COPS9: variants seen among roughly 807,000 people sequenced by gnomAD.
COPS9 encodes the protein COP9 signalosome complex subunit 9.
COPS9 carries 8 observed loss-of-function variants against 7.2 expected under a neutral mutation model. The ratio of observed to expected loss-of-function variants is 1.11; its 90% confidence interval spans 0.65 to 2.00. The LOEUF (loss-of-function observed/expected upper bound fraction) is 2.00, where lower values mean the gene tolerates loss of function less well. COPS9 is among the 30% of genes most tolerant of loss of function. The probability of loss-of-function intolerance (pLI) is 0.00; values close to 1 mark genes in which losing one functional copy is unlikely to be tolerated. For missense variants in COPS9, 74 were observed against 77.7 expected (o/e 0.95, Z 0.18); for synonymous variants, 39 against 28.7 (o/e 1.36, Z -1.14).
Position 240,132,118 on chromosome 2 carries a change from A to C in COPS9, c.137-1030T>G, listed in dbSNP as rs934582686. ...ACCTCTGCTCTGCTGCCCCCTCTGGAGAAACCTCCCTCTGCAGTGCTCCCA... is the reference window on the plus strand; with the variant it reads ...ACCTCTGCTCTGCTGCCCCCTCTGGCGAAACCTCCCTCTGCAGTGCTCCCA... On this transcript the variant is annotated intron_variant, in intron 2 of 2. Coordinates refer to ENST00000607357, the MANE Select transcript of COPS9 (RefSeq NM_001163424.2). The surrounding 1 kb of genome is among the most constrained non-coding windows in gnomAD (Gnocchi z 4.1). Among the ~76,000 whole-genome samples the C allele has an allele frequency of 6.6e-6, 1 of 152,152 alleles. No individual in the cohort carries two copies. The highest frequency in any genetic ancestry group is 2.4e-5 in the African/African-American group (1 of 41,436).
chr2:240,132,436 TAGTG>T lies in COPS9; in HGVS notation c.137-1352_137-1349del, dbSNP rs1247588648. Reference sequence around the variant, plus strand: ...TGGGACAGTGAGTGCTTTGTGAACTTAGTGGGTGGGCAGGCAGGGGACACAGAGC... The same window carrying T: ...TGGGACAGTGAGTGCTTTGTGAACTTGGTGGGCAGGCAGGGGACACAGAGC... On this transcript the variant is annotated intron_variant, in intron 2 of 2. Transcript: ENST00000607357. The surrounding 1 kb of genome is among the most constrained non-coding windows in gnomAD (Gnocchi z 4.1). Among the ~76,000 whole-genome samples the T allele has an allele frequency of 6.6e-6, 1 of 152,068 alleles. No homozygotes were observed. The highest frequency in any genetic ancestry group is 2.4e-5 in the African/African-American group (1 of 41,404).
chr2:240,135,529 G>C (rs1388206345), intron 1 of COPS9, among the ~76,000 whole-genome samples: 1 of 152,188 alleles, frequency 6.6e-6, no homozygotes, highest in Non-Finnish European at 1.5e-5. Flanking sequence ...CTCTGAGCTA[G>C]GCTGTGGTGC....
chr2:240,127,558 G>T (rs1198974817), downstream of COPS9, among the ~76,000 whole-genome samples: 1 of 152,144 alleles, frequency 6.6e-6, no homozygotes, highest in African/African-American at 2.4e-5. Context: ...CAACCCCCAG[G>T]TGATGGTGTT....
At chr2:240,134,105 G>T in intron 1 of COPS9, 100 bp from the exon 2 acceptor site, 1 of 1,101,134 alleles carries the variant, frequency 9.1e-7, no homozygotes, top group Non-Finnish European at 1.4e-6. Context: ...AAGAAGATGG[G>T]TGAGGGGAAA....
At position 240,131,086 on chromosome 2, in the gene COPS9, A is replaced by T; in HGVS notation, c.139T>A (p.Phe47Ile). 6.2e-7 allele frequency: 1 copy of T among 1,612,574 alleles called. No individual in the cohort carries two copies. The highest frequency in any genetic ancestry group is 8.5e-7 in the Non-Finnish European group (1 of 1,179,500). ...KAVHADFFND[F>I]EDLFDDDDIQ is the part of the protein sequence containing the mutation. ...TCATCATCATCAAAAAGATCTTCAA[A>T]ATCTAGGGAAATAAGCAAAACCACG... Residue 47 changes from phenylalanine (F) to isoleucine (I), a missense_variant and splice_region_variant, in exon 3 of 3, where the codon TTT (phenylalanine) becomes ATT (isoleucine). Phe to Ile is a conservative substitution (Grantham distance 21). Transcript: ENST00000607357.
At chr2:240,126,750 G>T (rs267599282), downstream of COPS9, 2 of 1,614,072 alleles carry the variant, frequency 1.2e-6, no homozygotes, top group Non-Finnish European at 1.7e-6. Flanking sequence ...CAGCCACTTG[G>T]ATTGGTTCTT....
rs2071935011 is a variant in COPS9 at position 240,132,691 on chromosome 2, G to A, written c.136+1242C>T. On this transcript the variant is annotated intron_variant, in intron 2 of 2. Coordinates refer to ENST00000607357, the MANE Select transcript of COPS9 (RefSeq NM_001163424.2). This position sits in a 1 kb window ranked among gnomAD's most constrained non-coding sequence, Gnocchi z 4.1. ...GCAGAGGATAAATGGGACTTTGAAG[G>A]AGATCATCAAAATGCAAGCGTGTGG... 6.6e-6 allele frequency among the ~76,000 whole-genome samples: 1 copy of A among 152,184 alleles called. No individual in the cohort carries two copies. Among genetic ancestry groups the A allele is most frequent in the South Asian group, 2.1e-4 (1 of 4,826 alleles).
chr2:240,135,601 C>A (rs963008951), intron 1 of COPS9, among the ~76,000 whole-genome samples: 72 of 152,238 alleles, frequency 4.7e-4, no homozygotes, highest in African/African-American at 1.5e-3. Context: ...TCTGTGAACA[C>A]AATAGAGACC....
downstream of COPS9, among the ~76,000 whole-genome samples, chr2:240,127,535 G>A (rs12463686): frequency 0.33 from 50,331 of 151,916 alleles, 8,602 homozygotes; most frequent in African/African-American, 0.39. Flanking sequence ...AATTCACATC[G>A]AATCCTCACC....
rs2071931678 is a variant in COPS9 at position 240,132,342 on chromosome 2, T to C, written c.137-1254A>G. Among the ~76,000 whole-genome samples, 1 of 152,170 alleles carries C rather than the reference T, an allele frequency of 6.6e-6. No individual in the cohort carries two copies. Among genetic ancestry groups the C allele is most frequent in the Non-Finnish European group, 1.5e-5 (1 of 68,028 alleles). On this transcript the variant is annotated intron_variant, in intron 2 of 2. Transcript: ENST00000607357. The surrounding 1 kb of genome is among the most constrained non-coding windows in gnomAD (Gnocchi z 4.1). ...GAGTAAAAAGGACTTAGCAAAAGCC[T>C]CATCCACAGCCCACAGAGGTCTCTC... is the stretch of plus-strand genomic sequence containing the variant.
chr2:240,130,779 G>A, downstream of COPS9: 1 of 1,355,744 alleles, frequency 7.4e-7, no homozygotes, highest in South Asian at 2.0e-5. Context: ...GAGACGTTTA[G>A]GGACTGCAAC....
At chr2:240,133,822 G>A (rs1428258977) in intron 2 of COPS9, 111 bp downstream of exon 2, 2 of 1,067,024 alleles carry the variant, frequency 1.9e-6, no homozygotes, top group Non-Finnish European at 1.4e-6. Flanking sequence ...GAGCGCAGGG[G>A]CTCTACCACC....
At chr2:240,127,764 T>TC (rs2071881677), downstream of COPS9, among the ~76,000 whole-genome samples, 1 of 152,198 alleles carries the variant, frequency 6.6e-6, no homozygotes, top group South Asian at 2.1e-4. Flanking sequence ...TCCGTCATTT[T>TC]CAAAGTCCCT....
At chr2:240,126,876 C>T, downstream of COPS9, 4 of 1,614,190 alleles carry the variant, frequency 2.5e-6, no homozygotes, top group Non-Finnish European at 3.4e-6. Context: ...CGCCCCCTGC[C>T]CATGGCCTGT....
downstream of COPS9, chr2:240,126,984 G>A (rs186492906): frequency 1.4e-5 from 22 of 1,591,262 alleles, no homozygotes; most frequent in Admixed American, 3.1e-4. Context: ...ACGAGGTCTG[G>A]TAGGTTTGCC....
intron 2 of COPS9, 22 bp from the exon 3 acceptor site, chr2:240,131,110 C>A (rs761003068): frequency 1.2e-6 from 2 of 1,610,284 alleles, no homozygotes; most frequent in Middle Eastern, 1.6e-4. Flanking sequence ...AGCAAAACCA[C>A]GTAGTTACAC....
downstream of COPS9, chr2:240,129,960 T>C (rs1262746381): frequency 6.2e-7 from 1 of 1,613,898 alleles, no homozygotes; most frequent in Non-Finnish European, 8.5e-7. Context: ...GACCCCGTGC[T>C]CCGACTGCCC....
chr2:240,127,054 T>C (rs1313509910), downstream of COPS9: 5 of 1,344,190 alleles, frequency 3.7e-6, no homozygotes, highest in Non-Finnish European at 5.1e-6. Context: ...CAAGTATTTC[T>C]ACAAGGTACA....
At chr2:240,130,434 A>G (rs2071910634), downstream of COPS9, among the ~76,000 whole-genome samples, 1 of 152,232 alleles carries the variant, frequency 6.6e-6, no homozygotes, top group South Asian at 2.1e-4. Context: ...AAATGGACCA[A>G]TGTGCATTTC....
Sources: allele counts gnomAD v4.1 joint callset (sites outside exome capture counted in the v4.1 genomes callset), GRCh38; gene constraint gnomAD v4.1.1; non-coding constraint Gnocchi (gnomAD v3.1); transcripts MANE v1.5; gene names NCBI Gene and HGNC (gene_info 2026-07-23, HGNC 2026-07-21).